Variants in RAB3GAP1 observed in about 807,000 individuals in gnomAD.
The protein encoded by RAB3GAP1 is RAB3 GTPase activating protein catalytic subunit 1.
In RAB3GAP1, 86 loss-of-function variants were observed where a neutral mutation model predicts 130.7. The ratio of observed to expected loss-of-function variants is 0.66; its 90% CI spans 0.55 to 0.79. The LOEUF (loss-of-function observed/expected upper bound fraction) is 0.79. Ranked by LOEUF, RAB3GAP1 falls within the 30% of genes least tolerant of loss-of-function variation. RAB3GAP1 has a pLI of 0.00. For missense variants in RAB3GAP1, 1,029 were observed against 1,169.4 expected (o/e 0.88, Z 1.75); for synonymous variants, 367 against 401.7 (o/e 0.91, Z 1.03).
Position 135,124,193 on chromosome 2 carries a change from T to A in RAB3GAP1, c.777T>A (p.Val259=). Residue 259 remains valine, a synonymous_variant, in exon 9 of 24, where the codon GTT becomes GTA. Coordinates refer to ENST00000264158, the MANE Select transcript of RAB3GAP1 (RefSeq NM_012233.3). ...TAGATGCCCTTGTAGGAGGAGAAGT[T>A]GGAGGCTTGGAGTTTGGCAAGTTAC... ...PDIDALVGGE[V]GGLEFGKLPF... is the part of the protein sequence containing the mutation. 1 of 1,614,196 alleles carries A rather than the reference T, an allele frequency of 6.2e-7. No homozygotes were observed. The highest frequency in any genetic ancestry group is 8.5e-7 in the Non-Finnish European group (1 of 1,179,998).
chr2:135,103,141 G>C (rs1414881691), intron 5 of RAB3GAP1, among the ~76,000 whole-genome samples: 1 of 143,212 alleles, frequency 7.0e-6, no homozygotes, highest in Non-Finnish European at 1.5e-5. Context: ...GGTTCAAGCA[G>C]TTCTCCTGCC....
At chr2:135,079,591 A>G (rs1013580083) in intron 3 of RAB3GAP1, among the ~76,000 whole-genome samples, 32 of 152,232 alleles carry the variant, frequency 2.1e-4, no homozygotes, top group South Asian at 4.2e-4. Context: ...TTGCTGTTCA[A>G]TTTCCTGCCC....
At chr2:135,146,502 GC>G (rs1691999053) in intron 17 of RAB3GAP1, among the ~76,000 whole-genome samples, 1 of 151,976 alleles carries the variant, frequency 6.6e-6, no homozygotes, top group African/African-American at 2.4e-5. Flanking sequence ...TTGAGCCACC[GC>G]CCCTGACTCC....
At position 135,148,341 on chromosome 2, in the gene RAB3GAP1, C is replaced by T. The variant is rs534262405; in HGVS notation, c.1924-2028C>T. 8.5e-5 allele frequency among the ~76,000 whole-genome samples: 13 copies of T among 152,142 alleles called. No individual in the cohort carries two copies. In the East Asian group the frequency reaches 1.9e-3, roughly 23 times the overall value. The stretch of plus-strand genomic sequence containing the variant: ...TTTATATAGTTGCTTCATAAGAATT[C>T]GAACATACTTCTGTGTTCCATTTAT... On this transcript the variant is annotated intron_variant, in intron 17 of 23. Coordinates refer to ENST00000264158, the MANE Select transcript of RAB3GAP1 (RefSeq NM_012233.3).
In RAB3GAP1 at chr2:135,135,767, T is replaced by G; in HGVS notation, c.1758T>G (p.Phe586Leu). 3.7e-6 allele frequency: 6 copies of G among 1,614,088 alleles called. No individual in the cohort carries two copies. The highest frequency in any genetic ancestry group is 5.1e-6 in the Non-Finnish European group (6 of 1,180,000). ...GGAGTGACAGCGAAGAAGAATTTTT[T>G]GAATGCCTAAGTGATACTGAAGAAC... ...DSWSDSEEEF[F>L]ECLSDTEELK... The change falls in exon 17 of 24, where the codon TTT becomes TTG. Residue 586 changes from phenylalanine to leucine, a missense_variant. Phe to Leu is a conservative substitution (Grantham distance 22). This residue lies in a region of RAB3GAP1 where 373 missense variants were observed against 493.6 expected (regional missense o/e 0.76). Coordinates refer to ENST00000264158, the MANE Select transcript of RAB3GAP1 (RefSeq NM_012233.3).
chr2:135,052,800 C>G (rs1688917145), intron 2 of RAB3GAP1, among the ~76,000 whole-genome samples: 1 of 152,192 alleles, frequency 6.6e-6, no homozygotes, highest in African/African-American at 2.4e-5. Flanking sequence ...GAAAAATTTC[C>G]GAGGCTGCAA....
chr2:135,129,909 T>A, intron 11 of RAB3GAP1, 86 bp from the exon 12 acceptor site: 1 of 908,882 alleles, frequency 1.1e-6, no homozygotes, highest in Non-Finnish European at 1.7e-6. Context: ...AGTTAATAGC[T>A]TTTGTGGAAA....
chr2:135,102,705 A>T (rs961119474), intron 5 of RAB3GAP1, among the ~76,000 whole-genome samples: 2 of 152,180 alleles, frequency 1.3e-5, no homozygotes, highest in Admixed American at 1.3e-4. Context: ...TTGAATAATT[A>T]TTATGGCTTT....
chr2:135,126,472 C>T, intron 10 of RAB3GAP1, 111 bp from the exon 11 acceptor site: 1 of 1,111,418 alleles, frequency 9.0e-7, no homozygotes. Flanking sequence ...TTAAGGGAGG[C>T]TAAATGGATT....
At chr2:135,115,113 T>C in intron 6 of RAB3GAP1, 103 bp from the exon 7 acceptor site, 1 of 1,116,128 alleles carries the variant, frequency 9.0e-7, no homozygotes, top group Non-Finnish European at 1.3e-6. Context: ...TCCAGTTTAG[T>C]GCTTTCAAAT....
chr2:135,158,000 G>A (rs1332339362), intron 19 of RAB3GAP1, among the ~76,000 whole-genome samples: 3 of 152,108 alleles, frequency 2.0e-5, no homozygotes, highest in African/African-American at 7.2e-5. Context: ...ATTTCTTACT[G>A]TGGAAGTGAG....
chr2:135,175,779 G>C (rs1330171542), intron 24 of RAB3GAP1, among the ~76,000 whole-genome samples: 2 of 152,262 alleles, frequency 1.3e-5, no homozygotes, highest in African/African-American at 4.8e-5. Flanking sequence ...TTAGGAGATA[G>C]GTTTTCAAAT....
At chr2:135,117,648 G>GCTT (rs1691048650) in intron 7 of RAB3GAP1, among the ~76,000 whole-genome samples, 2 of 15,236 alleles carry the variant, frequency 1.3e-4, no homozygotes, top group African/African-American at 2.8e-4. Flanking sequence ...TTCTTCTTCT[G>GCTT]CTTCTGCTTC....
chr2:135,116,700 T>G (rs1690980488), intron 7 of RAB3GAP1, among the ~76,000 whole-genome samples: 1 of 152,178 alleles, frequency 6.6e-6, no homozygotes, highest in Admixed American at 6.5e-5. Context: ...CTAAAGTATT[T>G]AAGGGTGATT....
chr2:135,089,147 A>G (rs1172886705), intron 3 of RAB3GAP1, among the ~76,000 whole-genome samples: 1 of 151,068 alleles, frequency 6.6e-6, no homozygotes, highest in Non-Finnish European at 1.5e-5. Context: ...TTAAATAGGG[A>G]ATCCTTTCCC....
intron 3 of RAB3GAP1, among the ~76,000 whole-genome samples, chr2:135,065,688 T>C (rs1005140123): frequency 2.6e-5 from 4 of 152,180 alleles, no homozygotes; most frequent in African/African-American, 9.7e-5. Flanking sequence ...ATATCTCATA[T>C]GTATGCGTGA....
chr2:135,117,517 C>A (rs1691024281), intron 7 of RAB3GAP1, among the ~76,000 whole-genome samples: 1 of 148,172 alleles, frequency 6.7e-6, no homozygotes, highest in African/African-American at 2.5e-5. Flanking sequence ...TCTTCTGCTT[C>A]TTCTGCTTCT....
chr2:135,096,927 T>C (rs1690313402), intron 5 of RAB3GAP1, among the ~76,000 whole-genome samples: 1 of 152,194 alleles, frequency 6.6e-6, no homozygotes, highest in Non-Finnish European at 1.5e-5. Context: ...GGTCAAAATA[T>C]TAAATGAAGT....
chr2:135,117,465 TCTGCTTCTGCTTCTTCTG>T (rs1691013684), intron 7 of RAB3GAP1, among the ~76,000 whole-genome samples: 1 of 129,886 alleles, frequency 7.7e-6, no homozygotes, highest in Admixed American at 7.9e-5. Flanking sequence ...TGCTTCTGCT[TCTGCTTCTGCTTCTTCTG>T]CTTCTTCTTC....
Sources: gnomAD v4.1 joint callset for allele counts (sites outside exome capture counted in the v4.1 genomes callset) on GRCh38, gnomAD v4.1.1 for gene constraint, gnomAD v4.1.1 regional missense constraint, MANE v1.5 for transcripts, NCBI Gene and HGNC (gene_info 2026-07-23, HGNC 2026-07-21) for gene names.